Variants in SRBD1 observed in about 807,000 individuals in gnomAD.
The protein encoded by SRBD1 is S1 RNA binding domain 1.
Under a neutral mutation model 115.3 loss-of-function variants are expected in SRBD1, and 88 were observed. That is an observed-to-expected ratio of 0.76 (90% CI 0.64 to 0.91). The LOEUF is 0.91. Ranked by LOEUF, SRBD1 falls within the 40% of genes least tolerant of loss-of-function variation. The pLI is 0.00. For missense variants in SRBD1, 1,385 were observed against 1,177.4 expected (o/e 1.18, Z -2.58); for synonymous variants, 509 against 407.7 (o/e 1.25, Z -2.99).
At chr2:45,459,548 T>C (rs945689836) in intron 16 of SRBD1, among the ~76,000 whole-genome samples, 5 of 152,172 alleles carry the variant, frequency 3.3e-5, no homozygotes, top group East Asian at 1.9e-4. Context: ...AAGGTTAGCA[T>C]ATGAATAAAC....
At chr2:45,402,244 A>G (rs534635797) in intron 19 of SRBD1, among the ~76,000 whole-genome samples, 11 of 152,314 alleles carry the variant, frequency 7.2e-5, no homozygotes, top group African/African-American at 2.6e-4. Flanking sequence ...TTTTGGTTCT[A>G]AAAACCTGAC....
At chr2:45,449,065 A>C (rs528089961) in intron 16 of SRBD1, among the ~76,000 whole-genome samples, 1 of 152,340 alleles carries the variant, frequency 6.6e-6, no homozygotes, top group South Asian at 2.1e-4. Flanking sequence ...GTTTAATTTT[A>C]AACGATTGCA....
chr2:45,547,062 A>G (rs975384441), intron 13 of SRBD1, among the ~76,000 whole-genome samples: 1 of 152,240 alleles, frequency 6.6e-6, no homozygotes, highest in Non-Finnish European at 1.5e-5. Flanking sequence ...TTTTACTGTC[A>G]CACTATCTCA....
intron 16 of SRBD1, among the ~76,000 whole-genome samples, chr2:45,469,349 A>G (rs1669581344): frequency 6.6e-6 from 1 of 152,238 alleles, no homozygotes; most frequent in Non-Finnish European, 1.5e-5. Flanking sequence ...TGCTAACACG[A>G]AAACTAGAAG....
At chr2:45,511,964 T>C (rs1670984797) in intron 14 of SRBD1, among the ~76,000 whole-genome samples, 1 of 152,196 alleles carries the variant, frequency 6.6e-6, no homozygotes, top group South Asian at 2.1e-4. Flanking sequence ...TCCTTTCTAG[T>C]TGAAATACCC....
chr2:45,608,569 GTT>G (rs1329995509), intron 1 of SRBD1, among the ~76,000 whole-genome samples: 3 of 151,986 alleles, frequency 2.0e-5, no homozygotes, highest in African/African-American at 7.2e-5. Flanking sequence ...CATCTCCACG[GTT>G]TTACATACCG....
Position 45,431,411 on chromosome 2 carries a change from G to C in SRBD1, c.2050-11517C>G, listed in dbSNP as rs188216418. On this transcript the variant is annotated intron_variant, in intron 16 of 20. Coordinates refer to ENST00000263736, the MANE Select transcript of SRBD1 (RefSeq NM_018079.5). ...CCAAATGCCCATCAATGATAGACTG[G>C]ATAAAGAAAATGTGGCACCATGGAA... Among the ~76,000 whole-genome samples, 289 of 152,274 alleles carry C rather than the reference G, an allele frequency of 1.9e-3. 1 individual carries two copies. The highest frequency in any genetic ancestry group is 3.5e-3 in the Non-Finnish European group (235 of 68,018).
intron 16 of SRBD1, among the ~76,000 whole-genome samples, chr2:45,426,106 A>C (rs1668146224): frequency 6.6e-6 from 1 of 152,186 alleles, no homozygotes; most frequent in African/African-American, 2.4e-5. Flanking sequence ...CTGGATTGAA[A>C]TTCTCACTGC....
intron 16 of SRBD1, among the ~76,000 whole-genome samples, chr2:45,452,342 G>T (rs898278666): frequency 6.6e-6 from 1 of 151,766 alleles, no homozygotes; most frequent in African/African-American, 2.4e-5. Context: ...GGTTTCACAC[G>T]CCTACTTTTA....
intron 14 of SRBD1, among the ~76,000 whole-genome samples, chr2:45,522,165 T>C (rs899822700): frequency 1.3e-5 from 2 of 151,560 alleles, no homozygotes; most frequent in East Asian, 1.9e-4. Flanking sequence ...AAATCTAAAA[T>C]AAAAAAATGC....
At chr2:45,417,233 T>C (rs1667860579) in intron 18 of SRBD1, among the ~76,000 whole-genome samples, 1 of 152,202 alleles carries the variant, frequency 6.6e-6, no homozygotes, top group African/African-American at 2.4e-5. Context: ...TTTTTTGACA[T>C]TTAAGTCTAT....
chr2:45,493,497 G>A (rs1223992720), intron 14 of SRBD1, among the ~76,000 whole-genome samples: 1 of 152,046 alleles, frequency 6.6e-6, no homozygotes, highest in Non-Finnish European at 1.5e-5. Context: ...TCTCAAATGA[G>A]CAATATCTAG....
At chr2:45,420,602 A>C (rs1298812080) in intron 16 of SRBD1, among the ~76,000 whole-genome samples, 2 of 152,240 alleles carry the variant, frequency 1.3e-5, no homozygotes, top group Non-Finnish European at 2.9e-5. Context: ...CAAATAAGAA[A>C]ATATAAGCAA....
intron 16 of SRBD1, among the ~76,000 whole-genome samples, chr2:45,461,468 AC>A (rs1445578916): frequency 6.6e-6 from 1 of 152,118 alleles, no homozygotes; most frequent in Non-Finnish European, 1.5e-5. Flanking sequence ...AAGGAAAACA[AC>A]CTTTTCTTGG....
intron 16 of SRBD1, among the ~76,000 whole-genome samples, chr2:45,442,819 G>C (rs1668710686): frequency 6.6e-6 from 1 of 152,184 alleles, no homozygotes; most frequent in South Asian, 2.1e-4. Context: ...AAGAAATGGA[G>C]ATAAGGCAGT....
chr2:45,421,430 C>A (rs1344803338), intron 16 of SRBD1, among the ~76,000 whole-genome samples: 1 of 139,624 alleles, frequency 7.2e-6, no homozygotes, highest in African/African-American at 2.7e-5. Context: ...TGGCATGAAC[C>A]CAGGAGGTGG....
At chr2:45,598,309 C>G (rs1673969251) in intron 4 of SRBD1, among the ~76,000 whole-genome samples, 1 of 152,082 alleles carries the variant, frequency 6.6e-6, no homozygotes, top group South Asian at 2.1e-4. Flanking sequence ...GAAGAAAAAT[C>G]ATGATTAAAA....
chr2:45,520,414 C>G (rs939279537), intron 14 of SRBD1, among the ~76,000 whole-genome samples: 2 of 152,212 alleles, frequency 1.3e-5, no homozygotes, highest in African/African-American at 4.8e-5. Context: ...TTAGGCATTT[C>G]TGGTGACAGT....
At chr2:45,544,014 G>A (rs957287354) in intron 14 of SRBD1, among the ~76,000 whole-genome samples, 13 of 152,126 alleles carry the variant, frequency 8.5e-5, no homozygotes, top group Middle Eastern at 3.4e-3. Context: ...ATTCATAAAA[G>A]TGCAAAGAAG....
Sources: allele counts gnomAD v4.1 joint callset (sites outside exome capture counted in the v4.1 genomes callset), GRCh38; gene constraint gnomAD v4.1.1; transcripts MANE v1.5; gene names NCBI Gene and HGNC (gene_info 2026-07-23, HGNC 2026-07-21).